The following GTPBP4 variants were observed in gnomAD, a reference collection of about 807,000 sequenced individuals.
GTPBP4 encodes GTP binding protein 4, also known as GTP-binding protein 4.
In GTPBP4, 15 loss-of-function variants were observed where a neutral mutation model predicts 81.7. The ratio of observed to expected loss-of-function variants is 0.18; its 90% confidence interval spans 0.12 to 0.28. The LOEUF (loss-of-function observed/expected upper bound fraction) is 0.28, where lower values mean the gene tolerates loss of function less well. GTPBP4 is among the 10% of genes least tolerant of loss of function. GTPBP4 has a pLI of 1.00. For synonymous variants in GTPBP4, 272 were observed against 274.6 expected, an observed-to-expected ratio of 0.99 and a Z score of 0.09; for missense variants, 847 against 793.8, an observed-to-expected ratio of 1.07 and a Z score of -0.81.
rs61731091 is a variant in GTPBP4, at chr10:992,500, C to A, written c.60C>A (p.Asp20Glu). 232 of 1,593,862 alleles carry A rather than the reference C, an allele frequency of 1.5e-4. No individual in the cohort carries two copies. The African/African-American group carries it at 2.6e-3, about 18-fold the overall frequency. The change falls in exon 2 of 17, where the codon GAC becomes GAA. Residue 20 changes from aspartate (D) to glutamate (E), a missense_variant. Asp to Glu is a conservative substitution (Grantham distance 45, BLOSUM62 2). Coordinates refer to ENST00000360803, the MANE Select transcript of GTPBP4 (RefSeq NM_012341.3). ...TVVPSAKDFI[D>E]LTLSKTQRKT... ...TTCTTTAATTGCAGGACTTCATAGA[C>A]CTCACGTTGTCGAAGACTCAACGAA...
chr10:992,137 AC>A (rs1201903989), intron 1 of GTPBP4, among the ~76,000 whole-genome samples: 1 of 151,024 alleles, frequency 6.6e-6, no homozygotes, highest in Non-Finnish European at 1.5e-5. Context: ...GTGGTGGCTC[AC>A]ACCTGTAATC....
At chr10:1,012,800 T>C (rs1589031820) in intron 14 of GTPBP4, 138 bp downstream of exon 14, 2 of 632,206 alleles carry the variant, frequency 3.2e-6, no homozygotes, top group East Asian at 5.6e-5. Context: ...TGTATGGATT[T>C]GCAAGATCGC....
chr10:999,088 G>A lies in GTPBP4; in HGVS notation c.647G>A (p.Arg216His), dbSNP rs566484717. 4.5e-6 allele frequency: 7 copies of A among 1,544,062 alleles called. No individual in the cohort carries two copies. The African/African-American group carries it at 5.4e-5, about 12-fold the overall frequency. ...FVGHMDYKYL[R>H]WQVVDTPGIL... is the part of the protein sequence containing the mutation. ...GGGCACATGGATTATAAGTATCTAC[G>A]TTGGCAGGTGAGAGTCTTGTCTTTA... Residue 216 changes from arginine (R) to histidine (H), a missense_variant, in exon 6 of 17, where the codon CGT becomes CAT. By Grantham distance (29) the Arg-to-His change is conservative. Around this residue, in one of 3 missense-constraint regions of GTPBP4, gnomAD observed 600 missense variants for 557.1 expected, o/e 1.08. Transcript: ENST00000360803.
rs1832061716 is a variant in GTPBP4, at chr10:1,019,903, A to G, written c.*2676A>G. 4 of 1,119,150 alleles carry G rather than the reference A, an allele frequency of 3.6e-6. No homozygotes were observed. The South Asian group carries it at 5.6e-5, about 16-fold the overall frequency. 69.3% of individuals were successfully genotyped at this position (1,119,150 alleles called of 1,614,324 possible). A position where few individuals can be genotyped will look rare whatever the true frequency, so the allele number is the denominator to read the frequency against. Reference sequence around the variant, plus strand: ...ACACAGAATTTACAGAAAAATAGAGAAAATAAACACATTTGTTTTCCTCAG... The same window carrying G: ...ACACAGAATTTACAGAAAAATAGAGGAAATAAACACATTTGTTTTCCTCAG... On this transcript the variant is annotated 3_prime_UTR_variant, in exon 17 of 17. Coordinates refer to ENST00000360803, the MANE Select transcript of GTPBP4 (RefSeq NM_012341.3).
intron 1 of GTPBP4, among the ~76,000 whole-genome samples, chr10:990,549 C>T (rs1398460026): frequency 1.3e-5 from 2 of 151,590 alleles, no homozygotes; most frequent in Admixed American, 6.6e-5. Context: ...GGTGAAACCC[C>T]GTCTCTACTA....
chr10:1,012,008 G>T lies in GTPBP4; in HGVS notation c.1345-457G>T, dbSNP rs74992043. ...GGCTCCTGGCCGGGTTGCCTCATTG[G>T]GGGGTGATAAACGTGTGTGTTTTAG... On this transcript the variant is annotated intron_variant, in intron 13 of 16. Coordinates refer to ENST00000360803, the MANE Select transcript of GTPBP4 (RefSeq NM_012341.3). Among the ~76,000 whole-genome samples, 182 of 152,330 alleles carry T rather than the reference G, an allele frequency of 1.2e-3. 3 individuals are homozygous for T. The East Asian group carries it at 0.033, about 28-fold the overall frequency.
At chr10:1,006,236 G>A (rs1831728830) in intron 9 of GTPBP4, among the ~76,000 whole-genome samples, 1 of 152,250 alleles carries the variant, frequency 6.6e-6, no homozygotes. Flanking sequence ...CGAAGTAGAA[G>A]GGAGAAAAGT....
rs930549226 is a variant in GTPBP4, at chr10:1,016,414, C to T, written c.1752+518C>T. Among the ~76,000 whole-genome samples the T allele has an allele frequency of 3.4e-4, 52 of 152,236 alleles. 1 individual carries two copies. The highest frequency in any genetic ancestry group is 2.0e-3 in the Admixed American group (31 of 15,282). ...ATGGACACAGTCTGTCTTGCTGAAA[C>T]GTCCTTTTATTAAACACAACAACTT... On this transcript the variant is annotated intron_variant, in intron 16 of 16. Coordinates refer to ENST00000360803, the MANE Select transcript of GTPBP4 (RefSeq NM_012341.3).
intron 12 of GTPBP4, among the ~76,000 whole-genome samples, chr10:1,010,050 G>C (rs1238542223): frequency 6.6e-6 from 1 of 151,924 alleles, no homozygotes; most frequent in Non-Finnish European, 1.5e-5. Flanking sequence ...GTTTCCTGTT[G>C]TTTTGGGATG....
intron 12 of GTPBP4, 98 bp from the exon 13 acceptor site, chr10:1,010,322 G>A: frequency 1.4e-6 from 1 of 690,678 alleles, no homozygotes; most frequent in Admixed American, 2.3e-5. Context: ...CTGCAGTGGA[G>A]TCGTTGATTT....
Position 992,511 on chromosome 10 carries a change from C to G in GTPBP4, c.71C>G (p.Ser24Trp). 1 of 1,602,638 alleles carries G rather than the reference C, an allele frequency of 6.2e-7. No homozygotes were observed. The highest frequency in any genetic ancestry group is 8.5e-7 in the Non-Finnish European group (1 of 1,170,220). ...CAGGACTTCATAGACCTCACGTTGT[C>G]GAAGACTCAACGAAAGACTCCAACC... ...SAKDFIDLTLSKTQRKTPTVI... is the reference protein window; with the variant it reads ...SAKDFIDLTLWKTQRKTPTVI... Residue 24 changes from serine (S) to tryptophan (W), a missense_variant, in exon 2 of 17, where the codon TCG becomes TGG. Around this residue, in one of 3 missense-constraint regions of GTPBP4, gnomAD observed 241 missense variants for 216.3 expected, o/e 1.11. Coordinates refer to ENST00000360803, the MANE Select transcript of GTPBP4 (RefSeq NM_012341.3).
At position 1,007,627 on chromosome 10, in the gene GTPBP4, C is replaced by T. The variant is rs138514231; in HGVS notation, c.1113+499C>T. ...TTGTCCATTGTGAATGGGCACACATCGTTACGCTGTGTCTTCATGTTTTAC... is the reference window on the plus strand; with the variant it reads ...TTGTCCATTGTGAATGGGCACACATTGTTACGCTGTGTCTTCATGTTTTAC... On this transcript the variant is annotated intron_variant, in intron 10 of 16. Coordinates refer to ENST00000360803, the MANE Select transcript of GTPBP4 (RefSeq NM_012341.3). 1.9e-3 allele frequency among the ~76,000 whole-genome samples: 282 copies of T among 152,318 alleles called. 1 individual carries two copies. The highest frequency in any genetic ancestry group is 5.5e-3 in the African/African-American group (229 of 41,558).
In GTPBP4 at chr10:1,018,487, CTT is replaced by C. The variant is rs1205490756; in HGVS notation, c.*1261_*1262del. ...TCTTTCTCCGTATTAAACACCAAAACTTAACATATAGTTTACTTTGTGTTAAA... is the reference window on the plus strand; with the variant it reads ...TCTTTCTCCGTATTAAACACCAAAACAACATATAGTTTACTTTGTGTTAAA... On this transcript the variant is annotated 3_prime_UTR_variant, in exon 17 of 17. Coordinates refer to ENST00000360803, the MANE Select transcript of GTPBP4 (RefSeq NM_012341.3). 2 of 150,024 alleles carry C rather than the reference CTT, an allele frequency of 1.3e-5. No homozygotes were observed. The highest frequency in any genetic ancestry group is 1.3e-4 in the Admixed American group (2 of 15,008). 9.3% of individuals were successfully genotyped at this position (150,024 alleles called of 1,614,324 possible).
intron 16 of GTPBP4, 35 bp downstream of exon 16, chr10:1,015,931 C>A: frequency 6.4e-7 from 1 of 1,563,176 alleles, no homozygotes; most frequent in African/African-American, 1.4e-5. Flanking sequence ...AATAAAATGA[C>A]AGTCTCTGTT....
Position 1,010,406 on chromosome 10 carries a change from T to A in GTPBP4, c.1244-14T>A. The stretch of plus-strand genomic sequence containing the variant: ...AAACTGCTGTAAACGTAACCACCTT[T>A]TTTTTAACTTTAGAGTACTGGGATT... On this transcript the variant is annotated splice_polypyrimidine_tract_variant and intron_variant, in intron 12 of 16. Coordinates refer to ENST00000360803, the MANE Select transcript of GTPBP4 (RefSeq NM_012341.3). 2 of 1,383,932 alleles carry A rather than the reference T, an allele frequency of 1.4e-6. No homozygotes were observed. Among genetic ancestry groups the A allele is most frequent in the Admixed American group, 1.7e-5 (1 of 57,380 alleles). The allele number at this position is 1,383,932 out of a possible 1,614,324, so 85.7% of individuals were successfully genotyped here.
chr10:1,005,982 A>G, intron 9 of GTPBP4, 75 bp downstream of exon 9: 1 of 805,494 alleles, frequency 1.2e-6, no homozygotes, highest in Non-Finnish European at 2.0e-6. Context: ...TGGGGAGAAA[A>G]TAGTTTTCTT....
intron 15 of GTPBP4, among the ~76,000 whole-genome samples, chr10:1,014,938 T>C (rs1384181614): frequency 6.6e-6 from 1 of 152,022 alleles, no homozygotes; most frequent in Non-Finnish European, 1.5e-5. Flanking sequence ...AGGGTGTGGC[T>C]GCAGACCCTG....
chr10:989,155 T>C (rs1317002368), intron 1 of GTPBP4, among the ~76,000 whole-genome samples: 1 of 146,990 alleles, frequency 6.8e-6, no homozygotes, highest in East Asian at 2.0e-4. Flanking sequence ...AGTTTTTCGC[T>C]CTTGTTTCCC....
chr10:1,007,477 G>A (rs1831764141), intron 10 of GTPBP4, among the ~76,000 whole-genome samples: 1 of 152,230 alleles, frequency 6.6e-6, no homozygotes, highest in African/African-American at 2.4e-5. Flanking sequence ...GCTCACGCCT[G>A]TAATCCCAGC....
Sources: allele counts gnomAD v4.1 joint callset (sites outside exome capture counted in the v4.1 genomes callset), GRCh38; gene constraint gnomAD v4.1.1; regional missense constraint gnomAD v4.1.1; transcripts MANE v1.5; gene names NCBI Gene and HGNC (gene_info 2026-07-23, HGNC 2026-07-21).